Variants in ZNF521 observed in about 807,000 individuals in gnomAD.
ZNF521 encodes the protein LYST-interacting protein 3.
Under a neutral mutation model 105.5 loss-of-function variants are expected in ZNF521, and 14 were observed. That is an observed-to-expected ratio of 0.13 (90% CI 0.09 to 0.21). The LOEUF is 0.21. ZNF521 is among the 10% of genes least tolerant of loss of function. The pLI, the probability that ZNF521 is intolerant of heterozygous loss-of-function variation, is 1.00. For missense variants in ZNF521, 1,233 were observed against 1,629.7 expected, an observed-to-expected ratio of 0.76 and a Z score of 4.19; for synonymous variants, 635 against 606.0, an observed-to-expected ratio of 1.05 and a Z score of -0.70.
intron 3 of ZNF521, among the ~76,000 whole-genome samples, chr18:25,285,398 A>G (rs1299564141): frequency 6.6e-6 from 1 of 152,220 alleles, no homozygotes; most frequent in African/African-American, 2.4e-5. Flanking sequence ...CCCTGGCAGG[A>G]GCCTTTGCTC....
At chr18:25,182,318 G>A (rs375250333) in intron 5 of ZNF521, among the ~76,000 whole-genome samples, 39 of 152,164 alleles carry the variant, frequency 2.6e-4, no homozygotes, top group African/African-American at 7.9e-4. Flanking sequence ...AATGCTGAAC[G>A]CATTAATATT....
intron 5 of ZNF521, among the ~76,000 whole-genome samples, chr18:25,146,394 T>C (rs1040335200): frequency 1.3e-5 from 2 of 152,140 alleles, no homozygotes; most frequent in African/African-American, 4.8e-5. Context: ...TTTATAAAAC[T>C]ACCCTTCCAG....
At chr18:25,175,336 AT>A (rs2035519401) in intron 5 of ZNF521, among the ~76,000 whole-genome samples, 1 of 152,236 alleles carries the variant, frequency 6.6e-6, no homozygotes, top group South Asian at 2.1e-4. Context: ...GAGAATGAAG[AT>A]AAAACAGTAT....
intron 5 of ZNF521, among the ~76,000 whole-genome samples, chr18:25,187,025 G>C (rs752266789): frequency 6.6e-6 from 1 of 151,966 alleles, no homozygotes; most frequent in Non-Finnish European, 1.5e-5. Flanking sequence ...TGATATGTAC[G>C]TCTCACAGGC....
At chr18:25,151,161 C>T (rs753363110) in intron 5 of ZNF521, among the ~76,000 whole-genome samples, 1 of 152,094 alleles carries the variant, frequency 6.6e-6, no homozygotes, top group Non-Finnish European at 1.5e-5. Context: ...AAAAATAAAA[C>T]CCAACTTCCT....
At chr18:25,224,023 G>A (rs570137422) in intron 4 of ZNF521, 1 of 294,716 alleles carries the variant, frequency 3.4e-6, no homozygotes, top group East Asian at 5.0e-5. Flanking sequence ...CATAGCTGGG[G>A]ATTTCAACTC....
At chr18:25,159,513 C>A (rs1383315283) in intron 5 of ZNF521, among the ~76,000 whole-genome samples, 3 of 150,966 alleles carry the variant, frequency 2.0e-5, no homozygotes, top group Non-Finnish European at 3.0e-5. Flanking sequence ...CTAACACTAA[C>A]AAAAAAAAAC....
rs892951568 is a variant in ZNF521 at position 25,085,902 on chromosome 18, G to C, written c.3906+3563C>G. On this transcript the variant is annotated intron_variant, in intron 7 of 7. Transcript: ENST00000361524. Reference sequence around the variant, plus strand: ...TTTAAAAGATATCCATAGTGATGTTGATGGTCAATTCCAGAATGCTTATCC... The same window carrying C: ...TTTAAAAGATATCCATAGTGATGTTCATGGTCAATTCCAGAATGCTTATCC... 1.8e-4 allele frequency among the ~76,000 whole-genome samples: 27 copies of C among 152,134 alleles called. No homozygotes were observed. The South Asian group carries it at 5.4e-3, about 30-fold the overall frequency.
chr18:25,301,553 G>C lies in ZNF521; in HGVS notation c.220+20455C>G, dbSNP rs185163824. ...CAACAATTGTTCTGAGAGCCTCAAA[G>C]CCTGCTTTCATGCCAAAATGGTGAC... On this transcript the variant is annotated intron_variant, in intron 3 of 7. Transcript: ENST00000361524. 2.2e-4 allele frequency among the ~76,000 whole-genome samples: 34 copies of C among 152,310 alleles called. 1 individual carries two copies. Among genetic ancestry groups the C allele is most frequent in the Admixed American group, 2.2e-3 (34 of 15,304 alleles).
intron 5 of ZNF521, among the ~76,000 whole-genome samples, chr18:25,164,473 C>T (rs1473847039): frequency 2.0e-5 from 3 of 152,218 alleles, no homozygotes; most frequent in Non-Finnish European, 4.4e-5. Flanking sequence ...ATTTATCATG[C>T]ATTTTGACCA....
chr18:25,083,240 A>C lies in ZNF521; in HGVS notation c.3906+6225T>G, dbSNP rs117901927. On this transcript the variant is annotated intron_variant, in intron 7 of 7. Coordinates refer to ENST00000361524, the MANE Select transcript of ZNF521 (RefSeq NM_015461.3). The stretch of plus-strand genomic sequence containing the variant: ...AACCAAAACAAAGCCCAAGACTCCT[A>C]ATCACTTGAAAAAGATAAATGTTTA... Among the ~76,000 whole-genome samples the C allele has an allele frequency of 3.3e-4, 51 of 152,316 alleles. No individual in the cohort carries two copies. In the East Asian group the frequency reaches 8.5e-3, roughly 25 times the overall value.
intron 5 of ZNF521, among the ~76,000 whole-genome samples, chr18:25,128,834 T>C (rs2034585320): frequency 6.6e-6 from 1 of 152,048 alleles, no homozygotes; most frequent in Non-Finnish European, 1.5e-5. Context: ...TATTTCATGT[T>C]AATGGAAAGA....
intron 4 of ZNF521, among the ~76,000 whole-genome samples, chr18:25,196,435 C>T (rs984436629): frequency 1.3e-5 from 2 of 151,390 alleles, no homozygotes; most frequent in Admixed American, 6.6e-5. Flanking sequence ...TAAGCACAAA[C>T]ATTTAGCATA....
At chr18:25,218,004 A>G (rs1905441063) in intron 4 of ZNF521, among the ~76,000 whole-genome samples, 1 of 152,192 alleles carries the variant, frequency 6.6e-6, no homozygotes, top group Admixed American at 6.5e-5. Flanking sequence ...CCTCAGTAAG[A>G]CACAGAGACA....
chr18:25,062,221 T>C lies in ZNF521; in HGVS notation c.*491A>G, dbSNP rs1204367484. ...GGCCTTATCCAGCTGTGGGGTTCTG[T>C]TCTGTGAGAACATCTCTTCATGGTT... On this transcript the variant is annotated 3_prime_UTR_variant, in exon 8 of 8. Transcript: ENST00000361524. 1 of 215,196 alleles carries C rather than the reference T, an allele frequency of 4.6e-6. No homozygotes were observed. The highest frequency in any genetic ancestry group is 7.3e-5 in the East Asian group (1 of 13,658). 13.3% of individuals were successfully genotyped at this position (215,196 alleles called of 1,614,324 possible).
At chr18:25,150,025 A>T (rs1404817544) in intron 5 of ZNF521, among the ~76,000 whole-genome samples, 1 of 152,192 alleles carries the variant, frequency 6.6e-6, no homozygotes, top group African/African-American at 2.4e-5. Flanking sequence ...TATGCTCAGT[A>T]TATCTTTGTA....
intron 7 of ZNF521, among the ~76,000 whole-genome samples, chr18:25,074,084 G>T (rs994966448): frequency 8.7e-4 from 133 of 152,346 alleles, no homozygotes; most frequent in Admixed American, 1.8e-3. Flanking sequence ...GCGTGCGTGT[G>T]TGCACGCGCA....
intron 5 of ZNF521, among the ~76,000 whole-genome samples, chr18:25,174,583 A>G (rs2035503508): frequency 6.6e-6 from 1 of 152,212 alleles, no homozygotes; most frequent in African/African-American, 2.4e-5. Context: ...TAGCAGCTGC[A>G]CAGGCTCGCC....
At chr18:25,295,300 T>A (rs1911265039) in intron 3 of ZNF521, among the ~76,000 whole-genome samples, 1 of 152,324 alleles carries the variant, frequency 6.6e-6, no homozygotes, top group East Asian at 1.9e-4. Context: ...CAATTCGACA[T>A]TTGCAGGGGT....
Sources: gnomAD v4.1 joint callset for allele counts (sites outside exome capture counted in the v4.1 genomes callset) on GRCh38, gnomAD v4.1.1 for gene constraint, MANE v1.5 for transcripts, NCBI Gene and HGNC (gene_info 2026-07-23, HGNC 2026-07-21) for gene names.